The following RBM28 variants were observed in gnomAD, a reference collection of about 807,000 sequenced individuals.
RBM28 encodes the protein RNA binding motif protein 28.
In RBM28, 78 loss-of-function variants were observed where a neutral mutation model predicts 98.3. That is an observed-to-expected ratio of 0.79 (90% CI 0.66 to 0.96). RBM28 has a LOEUF of 0.96. Among genes scored for constraint, RBM28 ranks in the 40% least tolerant of loss-of-function variants. RBM28 has a pLI of 0.00. For missense variants in RBM28, 838 were observed against 913.0 expected (o/e 0.92, Z 1.06); for synonymous variants, 306 against 330.9 (o/e 0.92, Z 0.82).
Position 128,336,032 on chromosome 7 carries a change from C to A in RBM28, c.624G>T (p.Lys208Asn). ...ATTCCTGATGTTTAGATTCATGGCT[C>A]TTTTCCTCACCTATGGAGGGAGGTA... ...TQSVSAIGEE[K>N]SHESKHQESV... Residue 208 changes from lysine to asparagine, a missense_variant, in exon 7 of 19, where the codon AAG becomes AAT. By Grantham distance (94) the Lys-to-Asn change is moderately conservative. Coordinates refer to ENST00000223073, the MANE Select transcript of RBM28 (RefSeq NM_018077.3). The A allele has an allele frequency of 1.9e-6, 3 of 1,609,910 alleles. No homozygotes were observed. The highest frequency in any genetic ancestry group is 2.5e-6 in the Non-Finnish European group (3 of 1,178,340).
At chr7:128,324,459 T>C in intron 12 of RBM28, 100 bp downstream of exon 12, 2 of 1,546,552 alleles carry the variant, frequency 1.3e-6, no homozygotes, top group Admixed American at 3.3e-5. Flanking sequence ...AACATTTGGG[T>C]TTTTAATTTG....
rs564533735 is a variant in RBM28 at position 128,304,571 on chromosome 7, C to T, written c.*6226G>A. 3 of 152,498 alleles carry T rather than the reference C, an allele frequency of 2.0e-5. No individual in the cohort carries two copies. Among genetic ancestry groups the T allele is most frequent in the Admixed American group, 6.5e-5 (1 of 15,304 alleles). 9.4% of individuals were successfully genotyped at this position (152,498 alleles called of 1,614,324 possible). On this transcript the variant is annotated 3_prime_UTR_variant, in exon 19 of 19. Coordinates refer to ENST00000223073, the MANE Select transcript of RBM28 (RefSeq NM_018077.3). ...GCATGTACTTCCCAGGGCCACTTGC[C>T]AACCCAGGGAGGTTTTCCATCTTGC...
At chr7:128,334,741 A>G (rs572449999) in intron 8 of RBM28, among the ~76,000 whole-genome samples, 43 of 152,328 alleles carry the variant, frequency 2.8e-4, no homozygotes, top group African/African-American at 1.0e-3. Context: ...TGTTCCCCCA[A>G]AATTCATACA....
chr7:128,333,002 G>A (rs532230119), intron 9 of RBM28, among the ~76,000 whole-genome samples: 6 of 152,162 alleles, frequency 3.9e-5, no homozygotes, highest in African/African-American at 1.2e-4. Context: ...AACAAAGGCC[G>A]GAAGCAAGAT....
At chr7:128,320,181 C>T (rs1183958228) in intron 14 of RBM28, among the ~76,000 whole-genome samples, 1 of 142,480 alleles carries the variant, frequency 7.0e-6, no homozygotes, top group Non-Finnish European at 1.5e-5. Flanking sequence ...CATGCCACTG[C>T]ACTCCAGCTT....
chr7:128,317,803 C>T, intron 15 of RBM28, 70 bp from the exon 16 acceptor site: 2 of 1,488,304 alleles, frequency 1.3e-6, no homozygotes, highest in East Asian at 2.3e-5. Context: ...TGAGTTTTTC[C>T]CCTTCACACA....
chr7:128,326,976 GA>G (rs919257839), intron 10 of RBM28, among the ~76,000 whole-genome samples: 16 of 145,584 alleles, frequency 1.1e-4, no homozygotes, highest in East Asian at 9.9e-4. Context: ...CTCTACGAAA[GA>G]AAAAAAAAAA....
At position 128,337,250 on chromosome 7, in the gene RBM28, C is replaced by G. The variant is rs11496082; in HGVS notation, c.542-48G>C. ...CAGAAAGGCTCTCCTTTTAAAAACC[C>G]TACCTCTGTAAATGACCCCTAGTCA... On this transcript the variant is annotated intron_variant, in intron 5 of 18. Coordinates refer to ENST00000223073, the MANE Select transcript of RBM28 (RefSeq NM_018077.3). 3.2e-5 allele frequency: 51 copies of G among 1,588,918 alleles called. 1 individual carries two copies. In the Middle Eastern group the frequency reaches 5.0e-3, roughly 156 times the overall value.
intron 12 of RBM28, 25 bp downstream of exon 12, chr7:128,324,534 G>T: frequency 1.2e-6 from 2 of 1,614,090 alleles, no homozygotes; most frequent in East Asian, 2.2e-5. Flanking sequence ...GTACTTAGAA[G>T]TGTGGGTTAC....
rs1313125342 is a variant in RBM28 at position 128,310,676 on chromosome 7, A to C, written c.*121T>G. Reference sequence around the variant, plus strand: ...TACACAGTCCAGGGCACCTCCGAGCACAGTGGCAGTGCCCTTGGGGATTTT... The same window carrying C: ...TACACAGTCCAGGGCACCTCCGAGCCCAGTGGCAGTGCCCTTGGGGATTTT... On this transcript the variant is annotated 3_prime_UTR_variant, in exon 19 of 19. Coordinates refer to ENST00000223073, the MANE Select transcript of RBM28 (RefSeq NM_018077.3). 5 of 1,332,486 alleles carry C rather than the reference A, an allele frequency of 3.8e-6. No homozygotes were observed. In the Admixed American group the frequency reaches 6.7e-5, roughly 18 times the overall value. 82.5% of individuals were successfully genotyped at this position (1,332,486 alleles called of 1,614,324 possible). A position where few individuals can be genotyped will look rare whatever the true frequency, so the allele number is the denominator to read the frequency against.
chr7:128,315,829 T>C (rs1796096659), intron 16 of RBM28, among the ~76,000 whole-genome samples: 1 of 152,208 alleles, frequency 6.6e-6, no homozygotes, highest in Non-Finnish European at 1.5e-5. Context: ...TAGACCTGTC[T>C]GCAAGAAATG....
At chr7:128,313,574 C>T (rs534070540) in intron 17 of RBM28, among the ~76,000 whole-genome samples, 4 of 152,256 alleles carry the variant, frequency 2.6e-5, no homozygotes, top group African/African-American at 4.8e-5. Context: ...GGTTACAGTG[C>T]GCTATGATCA....
chr7:128,324,968 C>A (rs1368243202), intron 11 of RBM28, among the ~76,000 whole-genome samples: 1 of 151,888 alleles, frequency 6.6e-6, no homozygotes, highest in Non-Finnish European at 1.5e-5. Flanking sequence ...GGACATCGCG[C>A]AACTACACTC....
chr7:128,313,866 C>T (rs1361253435), intron 17 of RBM28, among the ~76,000 whole-genome samples: 1 of 152,220 alleles, frequency 6.6e-6, no homozygotes, highest in African/African-American at 2.4e-5. Context: ...TCACCTTCCA[C>T]TATGATTAAG....
chr7:128,326,416 C>T (rs1191494010), intron 10 of RBM28, among the ~76,000 whole-genome samples: 2 of 151,852 alleles, frequency 1.3e-5, no homozygotes. Context: ...CTGCCCTATA[C>T]AGTTGTACCA....
In RBM28 at chr7:128,298,016, T is replaced by G. The variant is rs529088357; in HGVS notation, c.*12781A>C. On this transcript the variant is annotated 3_prime_UTR_variant, in exon 19 of 19. Transcript: ENST00000223073. ...GTGGGGGGAGGGGGGAGGGATAGCATTGGGAGATATACCTAATGCTAGATG... is the reference window on the plus strand; with the variant it reads ...GTGGGGGGAGGGGGGAGGGATAGCAGTGGGAGATATACCTAATGCTAGATG... 1 of 124,904 alleles carries G rather than the reference T, an allele frequency of 8.0e-6. No homozygotes were observed. Among genetic ancestry groups the G allele is most frequent in the Non-Finnish European group, 1.8e-5 (1 of 56,576 alleles). The allele number at this position is 124,904 out of a possible 1,614,324, so 7.7% of individuals were successfully genotyped here.
intron 18 of RBM28, among the ~76,000 whole-genome samples, chr7:128,312,314 G>A (rs754422281): frequency 1.8e-4 from 28 of 152,166 alleles, no homozygotes; most frequent in Non-Finnish European, 4.0e-4. Flanking sequence ...CTACTCGGGA[G>A]GCTACTCCTG....
chr7:128,334,110 G>A (rs1341810504), intron 8 of RBM28, among the ~76,000 whole-genome samples: 2 of 152,188 alleles, frequency 1.3e-5, no homozygotes, highest in Non-Finnish European at 2.9e-5. Flanking sequence ...AATAACCTTG[G>A]TTGTCTCTGG....
Position 128,330,830 on chromosome 7 carries a change from T to C in RBM28, c.1118A>G (p.Glu373Gly). The C allele has an allele frequency of 6.2e-7, 1 of 1,613,262 alleles. No homozygotes were observed. Among genetic ancestry groups the C allele is most frequent in the Non-Finnish European group, 8.5e-7 (1 of 1,179,184 alleles). The change falls in exon 10 of 19, where the codon GAG becomes GGG. Residue 373 changes from glutamate to glycine, a missense_variant. Coordinates refer to ENST00000223073, the MANE Select transcript of RBM28 (RefSeq NM_018077.3). Reference sequence around the variant, plus strand: ...CTGACAACACATACCTTTAGAATGCTCTGTGTCTGGATGCAAGACAATGCG... The same window carrying C: ...CTGACAACACATACCTTTAGAATGCCCTGTGTCTGGATGCAAGACAATGCG... ...YVRIVLHPDT[E>G]HSKGCAFAQF...
Sources: allele counts gnomAD v4.1 joint callset (sites outside exome capture counted in the v4.1 genomes callset), GRCh38; gene constraint gnomAD v4.1.1; transcripts MANE v1.5; gene names NCBI Gene and HGNC (gene_info 2026-07-23, HGNC 2026-07-21).